The following XIAP variants were observed in gnomAD, a reference collection of about 807,000 sequenced individuals.
The protein encoded by XIAP is E3 ubiquitin-protein ligase XIAP.
Under a neutral mutation model 33.1 loss-of-function variants are expected in XIAP, and 3 were observed. That is an observed-to-expected ratio of 0.09 (90% CI 0.04 to 0.23). The LOEUF (loss-of-function observed/expected upper bound fraction) is 0.23, where lower values mean the gene tolerates loss of function less well. Among genes scored for constraint, XIAP ranks in the 10% least tolerant of loss-of-function variants. The pLI is 1.00. For missense variants in XIAP, 264 were observed against 363.0 expected (o/e 0.73, Z 2.22); for synonymous variants, 98 against 121.3 (o/e 0.81, Z 1.26).
chrX:123,862,599 G>T (rs1283341941), intron 1 of XIAP, among the ~76,000 whole-genome samples: 1 of 101,306 alleles, frequency 9.9e-6, no homozygotes, highest in African/African-American at 3.7e-5. Flanking sequence ...TGTGGCTCAT[G>T]TCTGTAATCC....
At chrX:123,905,458 A>C (rs892181643) in intron 6 of XIAP, among the ~76,000 whole-genome samples, 1 of 111,559 alleles carries the variant, frequency 9.0e-6, no homozygotes, top group Non-Finnish European at 1.9e-5. Context: ...ACCCAGTTTT[A>C]GGTATAATTT....
chrX:123,869,362 C>CAAAAA (rs57436822), intron 1 of XIAP, among the ~76,000 whole-genome samples: 2,979 of 29,661 alleles, frequency 0.1, 294 homozygotes, highest in African/African-American at 0.13. Flanking sequence ...TAAAAAAATA[C>CAAAAA]AAAAAAAAAA....
At position 123,860,430 on chromosome X, in the gene XIAP, G is replaced by C. The variant is rs970886041; in HGVS notation, c.-33+137G>C. The C allele has an allele frequency of 7.8e-5, 21 of 268,688 alleles. No individual in the cohort carries two copies. In the East Asian group the frequency reaches 2.0e-3, roughly 25 times the overall value. 22.1% of individuals were successfully genotyped at this position (268,688 alleles called of 1,213,427 possible). A position where few individuals can be genotyped will look rare whatever the true frequency, so the allele number is the denominator to read the frequency against. On this transcript the variant is annotated intron_variant, in intron 1 of 6. Coordinates refer to ENST00000371199, the MANE Select transcript of XIAP (RefSeq NM_001167.4). ...GCGGGAAGGCCGCGCCAGCCCATCA[G>C]GGGTGGCCCGGCCCCGGCTGCTTGC...
intron 1 of XIAP, among the ~76,000 whole-genome samples, chrX:123,880,205 G>A (rs28745599): frequency 0.025 from 2,746 of 108,536 alleles, 27 homozygotes; most frequent in Middle Eastern, 0.053. Context: ...CTGAGGTCAG[G>A]AGTTCAAGAC....
At chrX:123,871,048 T>C (rs960675161) in intron 1 of XIAP, among the ~76,000 whole-genome samples, 2 of 111,534 alleles carry the variant, frequency 1.8e-5, no homozygotes, top group Admixed American at 1.9e-4. Context: ...GTTCAAGTGA[T>C]TCTCCTGCCT....
At chrX:123,885,001 C>T (rs1178715717) in intron 1 of XIAP, among the ~76,000 whole-genome samples, 1 of 109,343 alleles carries the variant, frequency 9.1e-6, no homozygotes, top group Non-Finnish European at 1.9e-5. Context: ...TTTTCCTGAG[C>T]CACCCTCTAG....
In XIAP at chrX:123,899,077, G is replaced by A. The variant is rs1386051241; in HGVS notation, c.1100-1416G>A. Among the ~76,000 whole-genome samples the A allele has an allele frequency of 1.1e-4, 8 of 75,852 alleles. No individual in the cohort carries two copies. In the East Asian group the frequency reaches 3.9e-3, roughly 37 times the overall value. The allele number at this position is 75,852 out of a possible 115,157, so 65.9% of individuals were successfully genotyped here. On this transcript the variant is annotated intron_variant, in intron 5 of 6. Coordinates refer to ENST00000371199, the MANE Select transcript of XIAP (RefSeq NM_001167.4). The stretch of plus-strand genomic sequence containing the variant: ...TGGAGGTTGCAGTGAGCCGAGACGC[G>A]CCATTACACTCCGGCCTGGGTGACA...
intron 1 of XIAP, among the ~76,000 whole-genome samples, chrX:123,884,334 A>T (rs184770082): frequency 9.0e-6 from 1 of 110,860 alleles, no homozygotes; most frequent in East Asian, 2.8e-4. Flanking sequence ...AAAATACAAA[A>T]TTAGCCGGGC....
At chrX:123,875,649 T>G (rs962943043) in intron 1 of XIAP, among the ~76,000 whole-genome samples, 1 of 111,804 alleles carries the variant, frequency 8.9e-6, no homozygotes, top group African/African-American at 3.3e-5. Flanking sequence ...ACTTGTAAAT[T>G]TGCCTGTTTT....
intron 5 of XIAP, among the ~76,000 whole-genome samples, chrX:123,899,259 G>GTATATATATGATTTTGTA (rs1253185357): frequency 1.3e-4 from 10 of 74,300 alleles, no homozygotes; most frequent in Non-Finnish European, 2.5e-5. Flanking sequence ...ATATGATTTT[G>GTATATATATGATTTTGTA]TATATATATG....
At chrX:123,869,362 CAAAAAAAAAAAA>C (rs57436822) in intron 1 of XIAP, among the ~76,000 whole-genome samples, 1 of 29,723 alleles carries the variant, frequency 3.4e-5, no homozygotes, top group East Asian at 9.2e-4. Flanking sequence ...TAAAAAAATA[CAAAAAAAAAAAA>C]AAAAAAAAAA....
intron 1 of XIAP, among the ~76,000 whole-genome samples, chrX:123,875,064 C>T (rs1207306477): frequency 2.0e-5 from 2 of 100,196 alleles, no homozygotes; most frequent in East Asian, 6.3e-4. Flanking sequence ...CTCTTGTTTC[C>T]CAGGCTGGAG....
chrX:123,906,882 C>CT, intron 6 of XIAP, 106 bp from the exon 7 acceptor site: 1 of 948,121 alleles, frequency 1.1e-6, no homozygotes, highest in Admixed American at 2.5e-5. Context: ...TATCTCCCGG[C>CT]ACTTGTTGGG....
rs1169797821 is a variant in XIAP, at chrX:123,897,077, G to A, written c.1100-3416G>A. On this transcript the variant is annotated intron_variant, in intron 5 of 6. Transcript: ENST00000371199. The stretch of plus-strand genomic sequence containing the variant: ...CTCCCCAGTAGCTGGGATTACAGGC[G>A]TGCACCACCATGCCTGGCTAATTTT... 1.4e-4 allele frequency among the ~76,000 whole-genome samples: 15 copies of A among 108,145 alleles called. 1 individual carries two copies. The Admixed American group carries it at 1.5e-3, about 11-fold the overall frequency. The allele number at this position is 108,145 out of a possible 115,157, so 93.9% of individuals were successfully genotyped here.
intron 6 of XIAP, among the ~76,000 whole-genome samples, chrX:123,904,407 T>C (rs2053542242): frequency 9.0e-6 from 1 of 111,390 alleles, no homozygotes; most frequent in African/African-American, 3.3e-5. Context: ...TTTACTTGTA[T>C]TTTTTCCTCT....
At chrX:123,906,305 C>T (rs1472129657) in intron 6 of XIAP, among the ~76,000 whole-genome samples, 1 of 112,101 alleles carries the variant, frequency 8.9e-6, no homozygotes, top group Non-Finnish European at 1.9e-5. Context: ...AGATTTGACT[C>T]TTCAGTTGCC....
intron 5 of XIAP, among the ~76,000 whole-genome samples, chrX:123,894,951 A>AGT (rs1473614731): frequency 7.3e-5 from 4 of 54,614 alleles, no homozygotes; most frequent in Non-Finnish European, 1.2e-4. Flanking sequence ...CTCAAACATA[A>AGT]ATAAGTAAAT....
At chrX:123,894,174 G>A (rs767813435) in intron 5 of XIAP, among the ~76,000 whole-genome samples, 3 of 112,455 alleles carry the variant, frequency 2.7e-5, no homozygotes, top group African/African-American at 3.2e-5. Context: ...TCATGGAGAA[G>A]TAGAGGTTTT....
intron 2 of XIAP, among the ~76,000 whole-genome samples, chrX:123,886,939 GAC>G (rs1314736395): frequency 9.0e-6 from 1 of 111,554 alleles, no homozygotes; most frequent in Non-Finnish European, 1.9e-5. Flanking sequence ...TTGTTTTTGA[GAC>G]AGAGTTTCGC....
Sources: gnomAD v4.1 joint callset for allele counts (sites outside exome capture counted in the v4.1 genomes callset) on GRCh38, gnomAD v4.1.1 for gene constraint, MANE v1.5 for transcripts, NCBI Gene and HGNC (gene_info 2026-07-23, HGNC 2026-07-21) for gene names.